RAPGEF2: variants seen among roughly 807,000 people sequenced by gnomAD.
RAPGEF2 encodes the protein Rap guanine nucleotide exchange factor 2.
RAPGEF2 carries 54 observed loss-of-function variants against 186.7 expected under a neutral mutation model. That is an observed-to-expected ratio of 0.29 (90% CI 0.23 to 0.36). The LOEUF is 0.36. RAPGEF2 is among the 10% of genes least tolerant of loss of function. The pLI is 1.00. For synonymous variants in RAPGEF2, 712 were observed against 705.9 expected (o/e 1.01, Z -0.14); for missense variants, 1,532 against 2,045.0 (o/e 0.75, Z 4.84).
At chr4:159,324,456 A>G (rs1367172144) in intron 11 of RAPGEF2, among the ~76,000 whole-genome samples, 1 of 152,250 alleles carries the variant, frequency 6.6e-6, no homozygotes, top group African/African-American at 2.4e-5. Context: ...TTATGTAAGG[A>G]TGGTATTTTT....
At chr4:159,345,426 G>A in intron 24 of RAPGEF2, 97 bp downstream of exon 24, 1 of 1,073,608 alleles carries the variant, frequency 9.3e-7, no homozygotes, top group East Asian at 2.4e-5. Flanking sequence ...GCTTAGTGCA[G>A]AGGGGGAGCT....
At chr4:159,294,637 TCCTTCCTTC>T (rs1561227384) in intron 7 of RAPGEF2, among the ~76,000 whole-genome samples, 1 of 65,196 alleles carries the variant, frequency 1.5e-5, no homozygotes, top group African/African-American at 7.7e-5. Context: ...TTCCATTTCT[TCCTTCCTTC>T]CTTCCTTCCT....
intron 1 of RAPGEF2, among the ~76,000 whole-genome samples, chr4:159,181,757 G>A (rs968115396): frequency 2.6e-5 from 4 of 151,964 alleles, no homozygotes; most frequent in African/African-American, 9.7e-5. Flanking sequence ...GGGTGGTCTC[G>A]ATCTCCTGAC....
chr4:159,198,282 CT>C (rs1334977516), intron 3 of RAPGEF2, among the ~76,000 whole-genome samples: 2 of 10,814 alleles, frequency 1.8e-4, no homozygotes, highest in Admixed American at 2.6e-3. Flanking sequence ...TTCTTTCTTT[CT>C]TTCTTTCTTT....
chr4:159,350,486 AATAAATAGTATTAAATTT>A (rs1199973407), intron 26 of RAPGEF2, among the ~76,000 whole-genome samples, 197 bp downstream of exon 26: 1 of 152,196 alleles, frequency 6.6e-6, no homozygotes, highest in Non-Finnish European at 1.5e-5. Context: ...TTATACTTAC[AATAAATAGTATTAAATTT>A]ATAACTATAA....
At position 159,103,740 on chromosome 4, in the gene RAPGEF2, A is replaced by G. The variant is rs138389705; in HGVS notation, c.-423A>G. 2.6e-3 allele frequency: 397 copies of G among 152,564 alleles called. No individual in the cohort carries two copies. Among genetic ancestry groups the G allele is most frequent in the Non-Finnish European group, 3.9e-3 (264 of 68,324 alleles). 9.5% of individuals were successfully genotyped at this position (152,564 alleles called of 1,614,324 possible). On this transcript the variant is annotated 5_prime_UTR_variant, in exon 1 of 30. Transcript: ENST00000691494. ...GCTCCGCCTGCCCACAGCCCTCCCC[A>G]CTGCCACTCGTACCTCCCTAAAAAT...
intron 10 of RAPGEF2, among the ~76,000 whole-genome samples, chr4:159,322,913 A>G (rs564442118): frequency 1.6e-4 from 25 of 152,278 alleles, no homozygotes; most frequent in South Asian, 1.2e-3. Flanking sequence ...CTGCCACCAG[A>G]TCCTTCCCAC....
At chr4:159,302,636 A>G (rs1762811360) in intron 7 of RAPGEF2, among the ~76,000 whole-genome samples, 1 of 152,162 alleles carries the variant, frequency 6.6e-6, no homozygotes, top group Non-Finnish European at 1.5e-5. Flanking sequence ...TCTATCTTTG[A>G]ATTGTTCCTG....
Position 159,331,422 on chromosome 4 carries a change from A to G in RAPGEF2, c.1468-9A>G, listed in dbSNP as rs749172738. The G allele has an allele frequency of 1.1e-5, 17 of 1,529,132 alleles. No homozygotes were observed. In the East Asian group the frequency reaches 3.9e-4, roughly 35 times the overall value. 94.7% of individuals were successfully genotyped at this position (1,529,132 alleles called of 1,614,324 possible). On this transcript the variant is annotated splice_polypyrimidine_tract_variant and intron_variant, in intron 13 of 29. Transcript: ENST00000691494. ...AAAGGAAACTTATTGAAAATAATTG[A>G]CTTTTCAGGTTACACGGGTAGTATT...
intron 6 of RAPGEF2, among the ~76,000 whole-genome samples, chr4:159,242,216 G>A (rs1754102385): frequency 6.6e-6 from 1 of 151,324 alleles, no homozygotes; most frequent in African/African-American, 2.4e-5. Flanking sequence ...TCATAATAAT[G>A]TGAAAGATCA....
At chr4:159,118,285 A>G (rs1307660773) in intron 1 of RAPGEF2, among the ~76,000 whole-genome samples, 2 of 152,144 alleles carry the variant, frequency 1.3e-5, no homozygotes, top group South Asian at 2.1e-4. Context: ...TATGCAAGGG[A>G]TCTAGGTTGT....
chr4:159,338,290 C>T (rs116292425), intron 17 of RAPGEF2, 21 bp from the exon 18 acceptor site: 2 of 1,588,104 alleles, frequency 1.3e-6, no homozygotes, highest in African/African-American at 2.7e-5. Flanking sequence ...TGATAATTTT[C>T]TAATTTTCCT....
At position 159,103,296 on chromosome 4, in the gene RAPGEF2, GA is replaced by G. The variant is rs1240188057; in HGVS notation, c.-866del. ...CGCAGACGAGGAACAAAGTTGCCGA[GA>G]GCGACTGGGCCGGAGGGCTGCAGCC... On this transcript the variant is annotated 5_prime_UTR_variant, in exon 1 of 30. Coordinates refer to ENST00000691494, the MANE Select transcript of RAPGEF2 (RefSeq NM_001394067.2). 3.3e-5 allele frequency: 5 copies of G among 152,210 alleles called. No individual in the cohort carries two copies. The highest frequency in any genetic ancestry group is 4.8e-5 in the African/African-American group (2 of 41,384). 9.4% of individuals were successfully genotyped at this position (152,210 alleles called of 1,614,324 possible).
In RAPGEF2 at chr4:159,149,324, G is replaced by C. The variant is rs1743284211; in HGVS notation, c.70-37318G>C. Among the ~76,000 whole-genome samples the C allele has an allele frequency of 2.0e-5, 3 of 152,104 alleles. No individual in the cohort carries two copies. The South Asian group carries it at 6.2e-4, about 32-fold the overall frequency. ...TGCCCAGGCTGGAGTGCAGTGGCGT[G>C]ATCTTGGCTCATTGCAACCTCTGCC... On this transcript the variant is annotated intron_variant, in intron 1 of 29. Coordinates refer to ENST00000691494, the MANE Select transcript of RAPGEF2 (RefSeq NM_001394067.2).
intron 7 of RAPGEF2, among the ~76,000 whole-genome samples, chr4:159,250,313 AT>A (rs1579605833): frequency 6.6e-6 from 1 of 152,206 alleles, no homozygotes; most frequent in African/African-American, 2.4e-5. Flanking sequence ...CCAATAACTT[AT>A]GGAAAAATAA....
chr4:159,355,991 G>A lies in RAPGEF2; in HGVS notation c.4790G>A (p.Arg1597Gln), dbSNP rs768712188. The A allele has an allele frequency of 3.7e-6, 6 of 1,611,996 alleles. No homozygotes were observed. Among genetic ancestry groups the A allele is most frequent in the African/African-American group, 1.3e-5 (1 of 74,696 alleles). ...PDYNVALQRS[R>Q]MVARSSDTAG... ...TACAACGTGGCCCTTCAGAGATCGC[G>A]GATGGTCGCACGATCCTCCGACACA... The change falls in exon 29 of 30, where the codon CGG becomes CAG. Residue 1597 changes from arginine to glutamine, a missense_variant. Arg to Gln is a conservative substitution (Grantham distance 43, BLOSUM62 1). Coordinates refer to ENST00000691494, the MANE Select transcript of RAPGEF2 (RefSeq NM_001394067.2).
rs1404116038 is a variant in RAPGEF2, at chr4:159,198,279, TTTCTTTCTTTCTTTCTTTCTTTCTTTC to T, written c.197+5026_197+5052del. On this transcript the variant is annotated intron_variant, in intron 3 of 29. Transcript: ENST00000691494. The stretch of plus-strand genomic sequence containing the variant: ...TTCTTTCTCTTTCTTTCCTTCTTTC[TTTCTTTCTTTCTTTCTTTCTTTCTTTC>T]TTTCTTTCTTTCTTTCTTTCTTTCT... Among the ~76,000 whole-genome samples, 38 of 6,308 alleles carry T rather than the reference TTTCTTTCTTTCTTTCTTTCTTTCTTTC, an allele frequency of 6.0e-3. No homozygotes were observed. The East Asian group carries it at 0.22, about 36-fold the overall frequency. The allele number at this position is 6,308 out of a possible 152,430, so 4.1% of individuals were successfully genotyped here.
At chr4:159,184,438 C>T (rs1388177802) in intron 1 of RAPGEF2, among the ~76,000 whole-genome samples, 1 of 152,208 alleles carries the variant, frequency 6.6e-6, no homozygotes, top group Non-Finnish European at 1.5e-5. Context: ...ACCATTCTAA[C>T]TGGTGTGAGA....
chr4:159,331,741 C>T lies in RAPGEF2; in HGVS notation c.1687C>T (p.Leu563Phe), dbSNP rs1280469023. ...AGAAGCTCCTTTGCCTTTTATCTTA[C>T]TTGGAGGCTCTGAGAAGGGATTTGG... ...SREAPLPFIL[L>F]GGSEKGFGIF... is the part of the protein sequence containing the mutation. Residue 563 changes from leucine to phenylalanine, a missense_variant, in exon 15 of 30, where the codon CTT (leucine) becomes TTT (phenylalanine). By Grantham distance (22) the Leu-to-Phe change is conservative. This residue lies in a region of RAPGEF2 where 810 missense variants were observed against 1,210.5 expected (regional missense o/e 0.67). Coordinates refer to ENST00000691494, the MANE Select transcript of RAPGEF2 (RefSeq NM_001394067.2). The T allele has an allele frequency of 6.2e-7, 1 of 1,613,996 alleles. No individual in the cohort carries two copies. The highest frequency in any genetic ancestry group is 1.1e-5 in the South Asian group (1 of 91,066).
Sources: gnomAD v4.1 joint callset for allele counts (sites outside exome capture counted in the v4.1 genomes callset) on GRCh38, gnomAD v4.1.1 for gene constraint, gnomAD v4.1.1 regional missense constraint, MANE v1.5 for transcripts, NCBI Gene and HGNC (gene_info 2026-07-23, HGNC 2026-07-21) for gene names.